Variants in WNT3 observed in about 807,000 individuals in gnomAD.
WNT3 encodes the protein Wnt family member 3, also known as proto-oncogene Wnt-3.
Under a neutral mutation model 34.2 loss-of-function variants are expected in WNT3, and 7 were observed. That is an observed-to-expected ratio of 0.20 (90% confidence interval 0.12 to 0.38). The LOEUF (loss-of-function observed/expected upper bound fraction) is 0.38. WNT3 is among the 10% of genes least tolerant of loss of function. WNT3 has a pLI of 1.00. For synonymous variants in WNT3, 212 were observed against 211.5 expected, an observed-to-expected ratio of 1.00 and a Z score of -0.02; for missense variants, 267 against 499.8, an observed-to-expected ratio of 0.53 and a Z score of 4.44.
chr17:46,783,298 G>A (rs991196296), intron 1 of WNT3, among the ~76,000 whole-genome samples: 1 of 152,214 alleles, frequency 6.6e-6, no homozygotes, highest in Non-Finnish European at 1.5e-5. Context: ...TCAAGACTGG[G>A]GCCTGGTGAT....
intron 1 of WNT3, among the ~76,000 whole-genome samples, chr17:46,796,780 T>G (rs1374892587): frequency 6.6e-6 from 1 of 152,232 alleles, no homozygotes; most frequent in Admixed American, 6.5e-5. Context: ...GGGGCTCAGC[T>G]GGATGGCTGA....
intron 1 of WNT3, among the ~76,000 whole-genome samples, chr17:46,803,779 T>C (rs1419331466): frequency 2.0e-5 from 3 of 152,220 alleles, no homozygotes; most frequent in Non-Finnish European, 4.4e-5. Context: ...CCACAGGCAG[T>C]GTGGCCTGCC....
At chr17:46,817,708 C>T (rs545902121) in intron 1 of WNT3, among the ~76,000 whole-genome samples, 9 of 151,682 alleles carry the variant, frequency 5.9e-5, no homozygotes, top group South Asian at 2.1e-4. Context: ...TTCTCAGGGA[C>T]GGAATTCTCC....
In WNT3 at chr17:46,779,254, A is replaced by G. The variant is rs138087232; in HGVS notation, c.81-5345T>C. 1.1e-4 allele frequency among the ~76,000 whole-genome samples: 17 copies of G among 152,318 alleles called. No homozygotes were observed. In the East Asian group the frequency reaches 3.3e-3, roughly 29 times the overall value. Reference sequence around the variant, plus strand: ...TCCGGAGCTTCCGCCTACACACAGGACAAGACTCCTTGGTTCCGCTGAGGA... The same window carrying G: ...TCCGGAGCTTCCGCCTACACACAGGGCAAGACTCCTTGGTTCCGCTGAGGA... On this transcript the variant is annotated intron_variant, in intron 1 of 4. Coordinates refer to ENST00000225512, the MANE Select transcript of WNT3 (RefSeq NM_030753.5).
At chr17:46,803,344 G>A (rs2084150874) in intron 1 of WNT3, among the ~76,000 whole-genome samples, 1 of 152,206 alleles carries the variant, frequency 6.6e-6, no homozygotes, top group African/African-American at 2.4e-5. Context: ...GACCAGCCTT[G>A]CCAACATGGC....
chr17:46,774,024 C>T (rs2059395631), intron 1 of WNT3, 115 bp from the exon 2 acceptor site: 9 of 1,438,512 alleles, frequency 6.3e-6, no homozygotes, highest in African/African-American at 1.4e-5. Context: ...GGGCCTGTGC[C>T]CTGGCACCTG....
intron 4 of WNT3, among the ~76,000 whole-genome samples, chr17:46,766,070 ACT>A (rs747606555): frequency 2.0e-5 from 3 of 152,044 alleles, no homozygotes; most frequent in Non-Finnish European, 2.9e-5. Context: ...GAAAAAAAAC[ACT>A]CATTGTCCAT....
At position 46,768,349 on chromosome 17, in the gene WNT3, G is replaced by A. The variant is rs2059333625; in HGVS notation, c.1039C>T (p.Arg347Cys). Reference sequence around the variant, plus strand: ...TTGCAGGTGTGCACGTCGTAGATGCGAATACACTCCTGGCAGCTGACGTAG... The same window carrying A: ...TTGCAGGTGTGCACGTCGTAGATGCAAATACACTCCTGGCAGCTGACGTAG... The part of the protein sequence containing the change: ...CCYVSCQECI[R>C]IYDVHTCK Residue 347 changes from arginine to cysteine, a missense_variant, in exon 4 of 5, where the codon CGC becomes TGC. By Grantham distance (180) the Arg-to-Cys change is radical. This residue lies in a region of WNT3 where 60 missense variants were observed against 82.7 expected (regional missense o/e 0.73). Transcript: ENST00000225512. The surrounding 1 kb of genome is among the most constrained non-coding windows in gnomAD (Gnocchi z 5.0). 3 of 1,613,650 alleles carry A rather than the reference G, an allele frequency of 1.9e-6. No individual in the cohort carries two copies. The highest frequency in any genetic ancestry group is 2.7e-5 in the African/African-American group (2 of 74,926).
At chr17:46,792,270 T>C (rs1233368937) in intron 1 of WNT3, among the ~76,000 whole-genome samples, 4 of 152,130 alleles carry the variant, frequency 2.6e-5, no homozygotes, top group Non-Finnish European at 5.9e-5. Flanking sequence ...GATGACGTCA[T>C]GGAGCACCTT....
chr17:46,797,583 T>C (rs2146436353), intron 1 of WNT3, among the ~76,000 whole-genome samples: 1 of 152,294 alleles, frequency 6.6e-6, no homozygotes, highest in East Asian at 1.9e-4. Flanking sequence ...GGAAAACAGT[T>C]TGGCATCATC....
chr17:46,804,577 G>A (rs1330565984), intron 1 of WNT3, among the ~76,000 whole-genome samples: 2 of 152,164 alleles, frequency 1.3e-5, no homozygotes, highest in African/African-American at 4.8e-5. Context: ...TGTGGCTATA[G>A]GACTTGCAGG....
At chr17:46,804,368 C>T (rs1341328428) in intron 1 of WNT3, among the ~76,000 whole-genome samples, 1 of 152,154 alleles carries the variant, frequency 6.6e-6, no homozygotes, top group Non-Finnish European at 1.5e-5. Context: ...ACTACAGGCG[C>T]AAGCCACCAC....
intron 1 of WNT3, among the ~76,000 whole-genome samples, chr17:46,775,637 A>G (rs2059406690): frequency 7.1e-6 from 1 of 140,040 alleles, no homozygotes; most frequent in African/African-American, 2.8e-5. Flanking sequence ...TTTTTGAGAC[A>G]GAGTCTCGCT....
intron 1 of WNT3, among the ~76,000 whole-genome samples, chr17:46,812,996 A>G (rs1474040201): frequency 1.3e-5 from 2 of 152,158 alleles, no homozygotes; most frequent in Non-Finnish European, 2.9e-5. Context: ...CAGGTAGTAC[A>G]TGAAAAAGCC....
chr17:46,811,126 A>AATGGGGGCTCCTGTCAATGGCGCGGAAG (rs2084269580), intron 1 of WNT3, among the ~76,000 whole-genome samples: 1 of 100,892 alleles, frequency 9.9e-6, no homozygotes, highest in Non-Finnish European at 2.6e-5. Context: ...CTGCAAACAG[A>AATGGGGGCTCCTGTCAATGGCGCGGAAG]TAAATCGACA....
In WNT3 at chr17:46,795,671, C is replaced by T. The variant is rs1261834460; in HGVS notation, c.81-21762G>A. The stretch of plus-strand genomic sequence containing the variant: ...TGGGTGACGACACCAAGCCCAGTTC[C>T]GGAGCACCCTGCTGTTCTGCGGCAC... On this transcript the variant is annotated intron_variant, in intron 1 of 4. Coordinates refer to ENST00000225512, the MANE Select transcript of WNT3 (RefSeq NM_030753.5). 3.3e-5 allele frequency among the ~76,000 whole-genome samples: 5 copies of T among 152,200 alleles called. No homozygotes were observed. The East Asian group carries it at 5.8e-4, about 18-fold the overall frequency.
chr17:46,811,399 A>T (rs1165145184), intron 1 of WNT3, among the ~76,000 whole-genome samples: 2 of 152,078 alleles, frequency 1.3e-5, no homozygotes, highest in African/African-American at 2.4e-5. Context: ...ACTCTCTGAG[A>T]TATTAGTTTG....
chr17:46,774,235 T>A (rs575194015), intron 1 of WNT3, among the ~76,000 whole-genome samples: 23 of 152,354 alleles, frequency 1.5e-4, no homozygotes, highest in African/African-American at 5.5e-4. Flanking sequence ...GATCCAGTCC[T>A]TTCCAGGTTC....
At chr17:46,807,204 C>T (rs1253947071) in intron 1 of WNT3, among the ~76,000 whole-genome samples, 3 of 152,108 alleles carry the variant, frequency 2.0e-5, no homozygotes, top group East Asian at 3.8e-4. Flanking sequence ...GAAAGAAGGC[C>T]GGGCCTGGTG....
Sources: allele counts gnomAD v4.1 joint callset (sites outside exome capture counted in the v4.1 genomes callset), GRCh38; gene constraint gnomAD v4.1.1; regional missense constraint gnomAD v4.1.1; non-coding constraint Gnocchi (gnomAD v3.1); transcripts MANE v1.5; gene names NCBI Gene and HGNC (gene_info 2026-07-23, HGNC 2026-07-21).